ZNF540: variants seen among roughly 807,000 people sequenced by gnomAD.
ZNF540 encodes the protein CTD-3064H18.6.
A neutral mutation model predicts 11.8 loss-of-function variants in ZNF540; 3 were observed. That is an observed-to-expected ratio of 0.25 (90% CI 0.12 to 0.65). The LOEUF is 0.65. Ranked by LOEUF, ZNF540 falls within the 30% of genes least tolerant of loss-of-function variation. The pLI, the probability that ZNF540 is intolerant of heterozygous loss-of-function variation, is 0.83. For missense variants in ZNF540, 709 were observed against 793.1 expected, an observed-to-expected ratio of 0.89 and a Z score of 1.27; for synonymous variants, 247 against 259.0, an observed-to-expected ratio of 0.95 and a Z score of 0.45.
chr19:37,581,797 A>C (rs2043475029), intron 1 of ZNF540, among the ~76,000 whole-genome samples: 1 of 151,524 alleles, frequency 6.6e-6, no homozygotes, highest in African/African-American at 2.4e-5. Flanking sequence ...GTGAAAAAAA[A>C]ACAAAAAACA....
At chr19:37,590,759 A>G (rs1318494796), upstream of ZNF540, among the ~76,000 whole-genome samples, 1 of 152,190 alleles carries the variant, frequency 6.6e-6, no homozygotes, top group African/African-American at 2.4e-5. Flanking sequence ...TTATATCAAA[A>G]TAAAAATTTT....
chr19:37,586,582 A>C, intron 1 of ZNF540: 5 of 1,540,282 alleles, frequency 3.2e-6, no homozygotes, highest in Non-Finnish European at 4.5e-6. Context: ...GGAACCAAAC[A>C]AGGCAGGAAA....
At chr19:37,608,479 A>G (rs569936953) in intron 4 of ZNF540, among the ~76,000 whole-genome samples, 56 of 152,280 alleles carry the variant, frequency 3.7e-4, no homozygotes, top group African/African-American at 1.3e-3. Flanking sequence ...ATAGTCTTTT[A>G]AAATTCCTGG....
intron 4 of ZNF540, among the ~76,000 whole-genome samples, chr19:37,602,609 A>T (rs2044048117): frequency 6.6e-6 from 1 of 152,160 alleles, no homozygotes. Context: ...GAATGAAGGG[A>T]GCCAGAGGAG....
upstream of ZNF540, among the ~76,000 whole-genome samples, chr19:37,591,626 C>T (rs540381915): frequency 8.5e-5 from 13 of 152,220 alleles, no homozygotes; most frequent in Non-Finnish European, 1.6e-4. Context: ...CTCACCACAA[C>T]CTCGGCCTCC....
rs139939394 is a variant in ZNF540 at position 37,566,920 on chromosome 19, T to C, written c.-73+15255T>C. Among the ~76,000 whole-genome samples the C allele has an allele frequency of 5.3e-5, 8 of 152,306 alleles. No individual in the cohort carries two copies. In the East Asian group the frequency reaches 1.5e-3, roughly 29 times the overall value. ...CTACACAAGCTTGCCTGTGGCCACT[T>C]TTCTTATGTCATCTCCCACTTTGGC... On this transcript the variant is annotated intron_variant, in intron 1 of 4. Coordinates refer to the ZNF540 transcript ENST00000592533.
rs1043259364 is a variant in ZNF540, at chr19:37,604,553, C to T, written c.232+3448C>T. On this transcript the variant is annotated intron_variant, in intron 4 of 4. Coordinates refer to ENST00000316433, the MANE Select transcript of ZNF540 (RefSeq NM_001172225.3). The stretch of plus-strand genomic sequence containing the variant: ...CGATCTCCTGACCTTGTGATCCGCC[C>T]GCCTCGGCCTCCCAAAGTGCTGGGA... 7.2e-5 allele frequency among the ~76,000 whole-genome samples: 11 copies of T among 151,800 alleles called. No individual in the cohort carries two copies. In the East Asian group the frequency reaches 1.3e-3, roughly 19 times the overall value.
chr19:37,602,914 T>C (rs2044050898), intron 4 of ZNF540, among the ~76,000 whole-genome samples: 1 of 151,190 alleles, frequency 6.6e-6, no homozygotes, highest in South Asian at 2.1e-4. Flanking sequence ...GTGATGACAG[T>C]GAGATAGAAA....
chr19:37,591,669 C>T (rs1418759348), upstream of ZNF540, among the ~76,000 whole-genome samples: 1 of 152,188 alleles, frequency 6.6e-6, no homozygotes, highest in East Asian at 1.9e-4. Context: ...CTCAGCCTCC[C>T]GAGTAGCTGG....
intron 1 of ZNF540, among the ~76,000 whole-genome samples, chr19:37,581,414 T>C (rs2043455936): frequency 6.6e-6 from 1 of 152,042 alleles, no homozygotes; most frequent in African/African-American, 2.4e-5. Flanking sequence ...TACCAGATCA[T>C]TTACCTTTAT....
intron 1 of ZNF540, among the ~76,000 whole-genome samples, chr19:37,561,048 C>CAAAAAAAAAAAAAAAAAAAAAAAAAAA (rs199892724): frequency 1.4e-5 from 1 of 73,784 alleles, no homozygotes; most frequent in African/African-American, 4.6e-5. Flanking sequence ...CCTGTCTCTA[C>CAAAAAAAAAAAAAAAAAAAAAAAAAAA]AAAAAAAAAA....
chr19:37,554,700 A>G (rs978872026), intron 1 of ZNF540: 1 of 152,094 alleles, frequency 6.6e-6, no homozygotes, highest in South Asian at 2.1e-4. Context: ...ATATATCTTT[A>G]TATTTTCCCA....
At chr19:37,598,484 A>G in intron 2 of ZNF540, 28 bp downstream of exon 2, 1 of 1,612,810 alleles carries the variant, frequency 6.2e-7, no homozygotes, top group Non-Finnish European at 8.5e-7. Context: ...TTTCCTTTTT[A>G]GATTATTTTG....
Position 37,613,164 on chromosome 19 carries a change from T to C in ZNF540, c.1884T>C (p.Ile628=), listed in dbSNP as rs2044146804. ...CACACCTTACTGAACATCAGAGAAT[T>C]CACACTGGTGAGAAACCCTATGAGT... is the stretch of plus-strand genomic sequence containing the variant. ...LNSHLTEHQR[I]HTGEKPYECK... Residue 628 remains isoleucine, a synonymous_variant, in exon 5 of 5, where the codon ATT becomes ATC. Transcript: ENST00000316433. 3 of 1,613,788 alleles carry C rather than the reference T, an allele frequency of 1.9e-6. No homozygotes were observed. The highest frequency in any genetic ancestry group is 8.5e-7 in the Non-Finnish European group (1 of 1,179,774).
chr19:37,565,930 G>A (rs75842514), intron 1 of ZNF540: 1 of 1,613,772 alleles, frequency 6.2e-7, no homozygotes, highest in African/African-American at 1.3e-5. Flanking sequence ...TAACTTCAGA[G>A]CATTTTTCTA....
chr19:37,557,601 G>A (rs1206840042), intron 1 of ZNF540, among the ~76,000 whole-genome samples: 1 of 152,186 alleles, frequency 6.6e-6, no homozygotes, highest in Non-Finnish European at 1.5e-5. Flanking sequence ...TGAACACGGT[G>A]GCGTCCGCCT....
intron 1 of ZNF540, chr19:37,567,600 A>G (rs1182787006): frequency 6.6e-6 from 1 of 152,180 alleles, no homozygotes; most frequent in Non-Finnish European, 1.5e-5. Context: ...GAACATGTCA[A>G]ATTCTTTCCC....
At chr19:37,602,332 A>G (rs766382188) in intron 4 of ZNF540, among the ~76,000 whole-genome samples, 7 of 152,248 alleles carry the variant, frequency 4.6e-5, no homozygotes, top group Non-Finnish European at 1.0e-4. Flanking sequence ...GATGTTGAAC[A>G]GAGATGGTAG....
intron 1 of ZNF540, chr19:37,567,875 G>C (rs2042916004): frequency 6.6e-6 from 1 of 152,096 alleles, no homozygotes; most frequent in South Asian, 2.1e-4. Flanking sequence ...GAAAATGCCT[G>C]TTTTATTATA....
Sources: allele counts gnomAD v4.1 joint callset (sites outside exome capture counted in the v4.1 genomes callset), GRCh38; gene constraint gnomAD v4.1.1; transcripts MANE v1.5; gene names NCBI Gene and HGNC (gene_info 2026-07-23, HGNC 2026-07-21).